Variants in RBFOX1 observed in about 807,000 individuals in gnomAD.
RBFOX1 encodes RNA binding fox-1 homolog 1.
RBFOX1 carries 8 observed loss-of-function variants against 57.7 expected under a neutral mutation model. That is an observed-to-expected ratio of 0.14 (90% CI 0.08 to 0.25). The LOEUF is 0.25. RBFOX1 is among the 10% of genes least tolerant of loss of function. The pLI, the probability that RBFOX1 is intolerant of heterozygous loss-of-function variation, is 1.00. For synonymous variants in RBFOX1, 326 were observed against 222.4 expected, an observed-to-expected ratio of 1.47 and a Z score of -4.15; for missense variants, 611 against 548.5, an observed-to-expected ratio of 1.11 and a Z score of -1.14.
chr16:5,954,924 A>G (rs1222675020), intron 4 of RBFOX1, among the ~76,000 whole-genome samples: 2 of 151,796 alleles, frequency 1.3e-5, no homozygotes, highest in Non-Finnish European at 2.9e-5. Flanking sequence ...GAACAGCACC[A>G]TTCAGTTCCT....
chr16:6,622,943 G>C (rs1394259441), intron 2 of RBFOX1, among the ~76,000 whole-genome samples: 1 of 152,054 alleles, frequency 6.6e-6, no homozygotes, highest in African/African-American at 2.4e-5. Flanking sequence ...ATTCTCTCAG[G>C]GTCTTCTTAC....
chr16:6,031,784 G>A (rs566178270), intron 1 of RBFOX1, among the ~76,000 whole-genome samples: 96 of 152,346 alleles, frequency 6.3e-4, no homozygotes, highest in African/African-American at 2.1e-3. Flanking sequence ...GCTGCTTACA[G>A]CATGTGCAGA....
intron 1 of RBFOX1, among the ~76,000 whole-genome samples, chr16:5,416,094 G>T (rs514346): frequency 6.6e-6 from 1 of 152,140 alleles, no homozygotes; most frequent in Non-Finnish European, 1.5e-5. Flanking sequence ...ACTGGGAAAC[G>T]CCTGTACATC....
At chr16:6,257,156 G>A (rs1202967518) in intron 1 of RBFOX1, among the ~76,000 whole-genome samples, 1 of 152,032 alleles carries the variant, frequency 6.6e-6, no homozygotes, top group African/African-American at 2.4e-5. Flanking sequence ...GGACATGCAG[G>A]TTTGTTCCAC....
chr16:6,556,010 G>C lies in RBFOX1; in HGVS notation c.-63-98593G>C, dbSNP rs79051281. On this transcript the variant is annotated intron_variant, in intron 2 of 15. Transcript: ENST00000550418. ...GAACCGACTACATTTTTTTGTCCTT[G>C]GTAATATTAGTCTTACTTTGAGGCA... Among the ~76,000 whole-genome samples the C allele has an allele frequency of 4.9e-4, 74 of 152,128 alleles. No homozygotes were observed. The East Asian group carries it at 0.013, about 27-fold the overall frequency.
chr16:5,614,043 T>G (rs1309822473), intron 3 of RBFOX1, among the ~76,000 whole-genome samples: 1 of 152,088 alleles, frequency 6.6e-6, no homozygotes, highest in African/African-American at 2.4e-5. Context: ...GTAGGAACAC[T>G]GAGAAAGAAG....
intron 3 of RBFOX1, among the ~76,000 whole-genome samples, chr16:7,037,995 G>C (rs1048933689): frequency 1.3e-5 from 2 of 152,158 alleles, no homozygotes; most frequent in Non-Finnish European, 2.9e-5. Context: ...AAAAATTACA[G>C]TTAAAACATC....
intron 7 of RBFOX1, among the ~76,000 whole-genome samples, chr16:7,594,894 G>A (rs1398094069): frequency 6.6e-6 from 1 of 152,120 alleles, no homozygotes; most frequent in Non-Finnish European, 1.5e-5. Context: ...TTAATCAACT[G>A]AAGTTTATTT....
chr16:5,875,926 C>A (rs945616868), intron 4 of RBFOX1, among the ~76,000 whole-genome samples: 2 of 151,686 alleles, frequency 1.3e-5, no homozygotes, highest in South Asian at 4.2e-4. Flanking sequence ...TCACTGCAAG[C>A]CCCGCCTCCC....
chr16:6,992,063 C>A (rs1242330743), intron 3 of RBFOX1, among the ~76,000 whole-genome samples: 1 of 152,112 alleles, frequency 6.6e-6, no homozygotes, highest in Non-Finnish European at 1.5e-5. Context: ...AAAATATTGG[C>A]CTGTCTTTGC....
intron 3 of RBFOX1, among the ~76,000 whole-genome samples, chr16:5,681,983 C>A (rs1418954012): frequency 1.3e-5 from 2 of 152,012 alleles, no homozygotes. Context: ...AACACATCTC[C>A]CCCTTGTTGA....
At chr16:6,342,141 G>A (rs566054404) in intron 2 of RBFOX1, among the ~76,000 whole-genome samples, 1 of 152,168 alleles carries the variant, frequency 6.6e-6, no homozygotes, top group Non-Finnish European at 1.5e-5. Context: ...CTTTGAAGGG[G>A]AGTGATGGTG....
chr16:5,775,845 G>A (rs76324901), intron 3 of RBFOX1, among the ~76,000 whole-genome samples: 4,858 of 152,270 alleles, frequency 0.032, 260 homozygotes, highest in African/African-American at 0.11. Context: ...AGATGCAGGC[G>A]TCCATGGGAG....
At chr16:6,809,418 T>C (rs1249342791) in intron 3 of RBFOX1, among the ~76,000 whole-genome samples, 3 of 152,180 alleles carry the variant, frequency 2.0e-5, no homozygotes, top group Non-Finnish European at 4.4e-5. Flanking sequence ...TTTTAAAATT[T>C]TTGTGGATAT....
At chr16:6,960,898 C>T (rs1598434177) in intron 3 of RBFOX1, among the ~76,000 whole-genome samples, 1 of 150,344 alleles carries the variant, frequency 6.7e-6, no homozygotes, top group Admixed American at 6.7e-5. Flanking sequence ...CTTTGGAAGG[C>T]CAAGGTGGGC....
upstream of RBFOX1, among the ~76,000 whole-genome samples, chr16:6,018,011 G>A (rs1284566724): frequency 6.6e-6 from 1 of 152,180 alleles, no homozygotes; most frequent in Admixed American, 6.5e-5. Flanking sequence ...CAGAAGGCAG[G>A]GTGGTGCCAC....
intron 2 of RBFOX1, among the ~76,000 whole-genome samples, chr16:6,581,260 T>G (rs1600522676): frequency 6.6e-6 from 1 of 152,164 alleles, no homozygotes; most frequent in African/African-American, 2.4e-5. Context: ...CTGGCCACTT[T>G]AGAATTTATC....
intron 4 of RBFOX1, among the ~76,000 whole-genome samples, chr16:7,074,921 C>T (rs1434073934): frequency 6.6e-6 from 1 of 152,024 alleles, no homozygotes; most frequent in Non-Finnish European, 1.5e-5. Flanking sequence ...ATTGTGAAAA[C>T]TTCTGGGATT....
At chr16:5,731,748 C>T (rs933074077) in intron 3 of RBFOX1, among the ~76,000 whole-genome samples, 1 of 152,082 alleles carries the variant, frequency 6.6e-6, no homozygotes, top group Admixed American at 6.5e-5. Flanking sequence ...GGGAGAATAG[C>T]GGTTGAACTG....
Sources: gnomAD v4.1 joint callset for allele counts (sites outside exome capture counted in the v4.1 genomes callset) on GRCh38, gnomAD v4.1.1 for gene constraint, MANE v1.5 for transcripts, NCBI Gene and HGNC (gene_info 2026-07-23, HGNC 2026-07-21) for gene names.